VPS35L: variants seen among roughly 807,000 people sequenced by gnomAD.
The protein encoded by VPS35L is VPS35 endosomal protein-sorting factor-like.
In VPS35L, 83 loss-of-function variants were observed where a neutral mutation model predicts 133.0. The observed-to-expected ratio is 0.62, with a 90% CI of 0.52 to 0.75. The LOEUF (loss-of-function observed/expected upper bound fraction) is 0.75, where lower values mean the gene tolerates loss of function less well. Ranked by LOEUF, VPS35L falls within the 30% of genes least tolerant of loss-of-function variation. The probability of loss-of-function intolerance (pLI) is 0.00; values close to 1 mark genes in which losing one functional copy is unlikely to be tolerated. For missense variants in VPS35L, 1,083 were observed against 1,206.8 expected, an observed-to-expected ratio of 0.90 and a Z score of 1.52; for synonymous variants, 423 against 449.9, an observed-to-expected ratio of 0.94 and a Z score of 0.76.
intron 18 of VPS35L, among the ~76,000 whole-genome samples, chr16:19,630,326 GTTTTTTTTTTT>G (rs201807727): frequency 1.4e-4 from 15 of 106,542 alleles, no homozygotes; most frequent in African/African-American, 3.7e-4. Context: ...AGTCCTAAAA[GTTTTTTTTTTT>G]TTTTTTTTTT....
intron 28 of VPS35L, among the ~76,000 whole-genome samples, chr16:19,687,631 G>T (rs543075388): frequency 8.5e-5 from 13 of 152,214 alleles, no homozygotes; most frequent in Admixed American, 5.2e-4. Flanking sequence ...AGATTCCTGT[G>T]ATCAGAGAAG....
At chr16:19,586,442 C>T (rs1339902291) in intron 7 of VPS35L, among the ~76,000 whole-genome samples, 1 of 152,084 alleles carries the variant, frequency 6.6e-6, no homozygotes, top group Non-Finnish European at 1.5e-5. Context: ...TGGGTTCCAC[C>T]GATTCTCGTA....
In VPS35L at chr16:19,608,120, GA is replaced by G; in HGVS notation, c.785-57del. On this transcript the variant is annotated intron_variant, in intron 9 of 30. Transcript: ENST00000417362. The stretch of plus-strand genomic sequence containing the variant: ...CCAGGGTAATGTATTCCCATCCAGG[GA>G]CTCACACAGATCCTGAGATTTAGGA... The G allele has an allele frequency of 3.1e-6, 4 of 1,278,650 alleles. No homozygotes were observed. The South Asian group carries it at 3.6e-5, about 11-fold the overall frequency. 79.2% of individuals were successfully genotyped at this position (1,278,650 alleles called of 1,614,324 possible).
intron 28 of VPS35L, among the ~76,000 whole-genome samples, chr16:19,688,819 G>T (rs762505988): frequency 2.6e-5 from 4 of 152,218 alleles, no homozygotes; most frequent in Non-Finnish European, 4.4e-5. Flanking sequence ...GGTGTGGAAG[G>T]AAAGAACTGG....
intron 29 of VPS35L, among the ~76,000 whole-genome samples, chr16:19,696,373 C>T (rs994671825): frequency 4.6e-5 from 7 of 152,258 alleles, no homozygotes; most frequent in Admixed American, 2.0e-4. Context: ...ATGCCTGTGC[C>T]GTTCTGAGAA....
chr16:19,625,195 C>T (rs1433102484), intron 14 of VPS35L, among the ~76,000 whole-genome samples: 1 of 152,182 alleles, frequency 6.6e-6, no homozygotes, highest in East Asian at 1.9e-4. Context: ...TCATGTCTGC[C>T]TGCCATCACT....
At chr16:19,675,334 T>C (rs1975028899) in intron 27 of VPS35L, among the ~76,000 whole-genome samples, 1 of 151,184 alleles carries the variant, frequency 6.6e-6, no homozygotes, top group East Asian at 2.0e-4. Flanking sequence ...CGTGAGCCAC[T>C]GCACCCAGCT....
At chr16:19,669,395 A>C (rs1974802769) in intron 27 of VPS35L, 96 bp downstream of exon 27, 2 of 1,372,344 alleles carry the variant, frequency 1.5e-6, no homozygotes, top group East Asian at 4.7e-5. Context: ...GGAACATTCT[A>C]TCTAGTATCT....
intron 26 of VPS35L, among the ~76,000 whole-genome samples, chr16:19,666,308 A>T (rs138579444): frequency 6.6e-6 from 1 of 152,146 alleles, no homozygotes; most frequent in Non-Finnish European, 1.5e-5. Flanking sequence ...TTAAAAAAAA[A>T]TCCGTTATAT....
chr16:19,590,809 G>C (rs915922272), intron 7 of VPS35L, among the ~76,000 whole-genome samples: 3 of 151,950 alleles, frequency 2.0e-5, no homozygotes. Flanking sequence ...AAAAAAATTA[G>C]CCAACCATGG....
chr16:19,608,894 T>A, intron 10 of VPS35L, 80 bp from the exon 11 acceptor site: 1 of 1,303,256 alleles, frequency 7.7e-7, no homozygotes, highest in Non-Finnish European at 1.1e-6. Flanking sequence ...CGCCTACTTC[T>A]ATTCATGGAT....
chr16:19,667,734 G>GA (rs561897457), intron 26 of VPS35L, among the ~76,000 whole-genome samples: 3,626 of 113,572 alleles, frequency 0.032, 86 homozygotes, highest in African/African-American at 0.074. Flanking sequence ...ACCCTGTCTG[G>GA]AAAAAAAAAA....
At chr16:19,582,793 AT>A (rs1475100933) in intron 7 of VPS35L, among the ~76,000 whole-genome samples, 1 of 152,254 alleles carries the variant, frequency 6.6e-6, no homozygotes, top group East Asian at 1.9e-4. Flanking sequence ...CAAAATAATC[AT>A]TAAGTGTGTT....
intron 20 of VPS35L, among the ~76,000 whole-genome samples, chr16:19,638,768 A>G (rs946515392): frequency 6.6e-6 from 1 of 152,218 alleles, no homozygotes; most frequent in Non-Finnish European, 1.5e-5. Context: ...ACAGAACAGT[A>G]TAGCGTGAGA....
intron 26 of VPS35L, among the ~76,000 whole-genome samples, chr16:19,661,454 A>C (rs1165460497): frequency 2.6e-5 from 4 of 152,176 alleles, no homozygotes. Context: ...GCGTATTGAA[A>C]GCCTTGGTAC....
chr16:19,674,575 G>A (rs563322354), intron 27 of VPS35L, among the ~76,000 whole-genome samples: 1 of 151,980 alleles, frequency 6.6e-6, no homozygotes, highest in South Asian at 2.1e-4. Flanking sequence ...GTATTGGGGC[G>A]AGAACACTTA....
chr16:19,618,329 G>T (rs541403222), intron 14 of VPS35L, among the ~76,000 whole-genome samples: 3 of 152,128 alleles, frequency 2.0e-5, no homozygotes, highest in Non-Finnish European at 2.9e-5. Flanking sequence ...TTAGACGAGT[G>T]CATAAACATT....
At chr16:19,638,289 T>C (rs1329511103) in intron 20 of VPS35L, among the ~76,000 whole-genome samples, 1 of 152,218 alleles carries the variant, frequency 6.6e-6, no homozygotes, top group South Asian at 2.1e-4. Context: ...ATTCGACATA[T>C]ACCACACTCC....
chr16:19,650,765 A>G (rs1164806753), intron 25 of VPS35L, among the ~76,000 whole-genome samples: 1 of 152,118 alleles, frequency 6.6e-6, no homozygotes, highest in Non-Finnish European at 1.5e-5. Flanking sequence ...AATATAAGAC[A>G]TATTTTATAA....
Sources: allele counts gnomAD v4.1 joint callset (sites outside exome capture counted in the v4.1 genomes callset), GRCh38; gene constraint gnomAD v4.1.1; transcripts MANE v1.5; gene names NCBI Gene and HGNC (gene_info 2026-07-23, HGNC 2026-07-21).